ABCC1: variants seen among roughly 807,000 people sequenced by gnomAD.
ABCC1 encodes ATP binding cassette subfamily C member 1 (ABCC1 blood group), also known as multidrug resistance-associated protein 1.
Under a neutral mutation model 172.9 loss-of-function variants are expected in ABCC1, and 83 were observed. The observed-to-expected ratio is 0.48, with a 90% confidence interval of 0.40 to 0.58. ABCC1 has a LOEUF of 0.58. ABCC1 is among the 20% of genes least tolerant of loss of function. The pLI is 0.00. For synonymous variants in ABCC1, 937 were observed against 825.2 expected, an observed-to-expected ratio of 1.14 and a Z score of -2.32; for missense variants, 1,817 against 2,002.7, an observed-to-expected ratio of 0.91 and a Z score of 1.77.
chr16:15,961,503 C>T (rs1366615075), intron 1 of ABCC1, among the ~76,000 whole-genome samples: 3 of 152,096 alleles, frequency 2.0e-5, no homozygotes, highest in African/African-American at 7.2e-5. Context: ...ATGTTCCCAC[C>T]CTGCCCTTTG....
intron 1 of ABCC1, among the ~76,000 whole-genome samples, chr16:15,967,285 A>G (rs1169188331): frequency 1.3e-5 from 2 of 152,090 alleles, no homozygotes; most frequent in African/African-American, 4.8e-5. Flanking sequence ...TTTGAAAATC[A>G]GTATAGACGA....
In ABCC1 at chr16:16,141,048, A is replaced by G. The variant is rs1043425426; in HGVS notation, c.4488-125A>G. On this transcript the variant is annotated intron_variant, in intron 30 of 30. Transcript: ENST00000399410. ...TGAGCAACCAGCTGGAAGGTACTGC[A>G]CCAGTCCTAGCAAAAAGTGTTAGGG... The G allele has an allele frequency of 1.9e-5, 14 of 741,152 alleles. No individual in the cohort carries two copies. In the Admixed American group the frequency reaches 2.9e-4, roughly 16 times the overall value. The allele number at this position is 741,152 out of a possible 1,614,324, so 45.9% of individuals were successfully genotyped here.
intron 1 of ABCC1, among the ~76,000 whole-genome samples, chr16:15,965,448 C>T (rs940002811): frequency 1.1e-4 from 16 of 151,906 alleles, no homozygotes; most frequent in African/African-American, 2.7e-4. Flanking sequence ...CCTGCCACCA[C>T]GCCTGGCTAA....
Position 16,106,806 on chromosome 16 carries a change from A to G in ABCC1, c.2804A>G (p.Gln935Arg). The G allele has an allele frequency of 1.9e-6, 3 of 1,614,200 alleles. No individual in the cohort carries two copies. Among genetic ancestry groups the G allele is most frequent in the Non-Finnish European group, 2.5e-6 (3 of 1,180,046 alleles). ...CACCACAACAGCACCGCAGAACTGC[A>G]GAAAGCTGAGGCCAAGAAGGAGGAG... ...SRHHNSTAEL[Q>R]KAEAKKEETW... is the part of the protein sequence containing the mutation. Residue 935 changes from glutamine (Q) to arginine (R), a missense_variant, in exon 21 of 31, where the codon CAG becomes CGG. Coordinates refer to ENST00000399410, the MANE Select transcript of ABCC1 (RefSeq NM_004996.4).
chr16:15,951,167 ATTCAC>A (rs2045862174), intron 1 of ABCC1, among the ~76,000 whole-genome samples: 1 of 152,124 alleles, frequency 6.6e-6, no homozygotes, highest in Admixed American at 6.6e-5. Flanking sequence ...TTTTGCAAAG[ATTCAC>A]ATGGTGATCT....
At chr16:16,108,959 C>T (rs139634404) in intron 21 of ABCC1, among the ~76,000 whole-genome samples, 148 of 151,994 alleles carry the variant, frequency 9.7e-4, no homozygotes, top group Non-Finnish European at 1.6e-3. Flanking sequence ...GGTTCCTGAA[C>T]GCTGCAGGCT....
intron 5 of ABCC1, among the ~76,000 whole-genome samples, chr16:16,024,481 A>G (rs2048305427): frequency 6.6e-6 from 1 of 152,156 alleles, no homozygotes; most frequent in Non-Finnish European, 1.5e-5. Flanking sequence ...CCTCGCAAGT[A>G]GCTGGGACCA....
intron 1 of ABCC1, among the ~76,000 whole-genome samples, chr16:16,002,150 T>C (rs1355946901): frequency 6.6e-6 from 1 of 152,148 alleles, no homozygotes; most frequent in Non-Finnish European, 1.5e-5. Flanking sequence ...ATCCCTACAA[T>C]AGAATACAAA....
At chr16:15,979,744 A>G (rs1202161319) in intron 1 of ABCC1, among the ~76,000 whole-genome samples, 1 of 152,082 alleles carries the variant, frequency 6.6e-6, no homozygotes, top group Non-Finnish European at 1.5e-5. Flanking sequence ...TTCCAGAGTG[A>G]CTATATTCAA....
At chr16:16,066,786 C>A (rs2050129190) in intron 12 of ABCC1, among the ~76,000 whole-genome samples, 1 of 151,772 alleles carries the variant, frequency 6.6e-6, no homozygotes, top group Admixed American at 6.6e-5. Flanking sequence ...CGCCTATAAT[C>A]CCAGCTACTT....
At chr16:15,994,260 A>C (rs979445303) in intron 1 of ABCC1, among the ~76,000 whole-genome samples, 1 of 152,136 alleles carries the variant, frequency 6.6e-6, no homozygotes, top group South Asian at 2.1e-4. Context: ...AAAAGGCCTT[A>C]GAGTTCAAGC....
At chr16:16,010,560 A>T (rs892651311) in intron 3 of ABCC1, among the ~76,000 whole-genome samples, 4 of 152,160 alleles carry the variant, frequency 2.6e-5, no homozygotes, top group Non-Finnish European at 5.9e-5. Flanking sequence ...GTGGGTTGCT[A>T]AGCTAAATAG....
intron 23 of ABCC1, among the ~76,000 whole-genome samples, chr16:16,116,823 G>A (rs1277347677): frequency 6.6e-6 from 1 of 152,174 alleles, no homozygotes; most frequent in Non-Finnish European, 1.5e-5. Context: ...GCCTGCCAAA[G>A]TGCTGGGATT....
In ABCC1 at chr16:16,131,945, C is replaced by T. The variant is rs771269315; in HGVS notation, c.3966+10C>T. On this transcript the variant is annotated intron_variant, in intron 27 of 30. Transcript: ENST00000399410. ...CAATGGGGGAGAAAAGGTGGGTACA[C>T]ATCGCCCCATTCCCTCACCCATTCC... The T allele has an allele frequency of 5.6e-6, 9 of 1,611,954 alleles. No homozygotes were observed. The highest frequency in any genetic ancestry group is 6.8e-6 in the Non-Finnish European group (8 of 1,178,846).
chr16:15,982,414 A>G (rs944256124), intron 1 of ABCC1, among the ~76,000 whole-genome samples: 1 of 152,068 alleles, frequency 6.6e-6, no homozygotes, highest in Non-Finnish European at 1.5e-5. Context: ...CCTTCTTCAC[A>G]TGGCGGCAGG....
chr16:15,979,831 T>C (rs2046579990), intron 1 of ABCC1, among the ~76,000 whole-genome samples: 1 of 152,182 alleles, frequency 6.6e-6, no homozygotes, highest in South Asian at 2.1e-4. Context: ...CCTGGTGTGG[T>C]GTGTGCCTGG....
chr16:16,030,524 C>G (rs2048525977), intron 5 of ABCC1, among the ~76,000 whole-genome samples: 1 of 152,006 alleles, frequency 6.6e-6, no homozygotes, highest in African/African-American at 2.4e-5. Flanking sequence ...GACTCCATCT[C>G]AAAAAACAAA....
Position 16,029,525 on chromosome 16 carries a change from C to T in ABCC1, c.616-3584C>T, listed in dbSNP as rs74641416. Among the ~76,000 whole-genome samples the T allele has an allele frequency of 8.7e-3, 1,319 of 152,242 alleles. 14 individuals are homozygous for T. Among genetic ancestry groups the T allele is most frequent in the African/African-American group, 0.03 (1,258 of 41,556 alleles). ...AAGTGTGAGCCACTGCGCCCAGCTGCCATGAGCTCTTTACCATGCATTGCA... is the reference window on the plus strand; with the variant it reads ...AAGTGTGAGCCACTGCGCCCAGCTGTCATGAGCTCTTTACCATGCATTGCA... On this transcript the variant is annotated intron_variant, in intron 5 of 30. Coordinates refer to ENST00000399410, the MANE Select transcript of ABCC1 (RefSeq NM_004996.4).
intron 19 of ABCC1, among the ~76,000 whole-genome samples, chr16:16,091,496 AT>A (rs1479953457): frequency 6.6e-6 from 1 of 151,798 alleles, no homozygotes; most frequent in Non-Finnish European, 1.5e-5. Context: ...GATGGGTGTC[AT>A]TGTGGCAACT....
Sources: gnomAD v4.1 joint callset for allele counts (sites outside exome capture counted in the v4.1 genomes callset) on GRCh38, gnomAD v4.1.1 for gene constraint, MANE v1.5 for transcripts, NCBI Gene and HGNC (gene_info 2026-07-23, HGNC 2026-07-21) for gene names.